The following SPIRE1 variants were observed in gnomAD, a reference collection of about 807,000 sequenced individuals.
The protein encoded by SPIRE1 is protein spire homolog 1.
In SPIRE1, 40 loss-of-function variants were observed where a neutral mutation model predicts 94.1. The observed-to-expected ratio is 0.43, with a 90% CI of 0.33 to 0.55. The LOEUF (loss-of-function observed/expected upper bound fraction) is 0.55. Among genes scored for constraint, SPIRE1 ranks in the 20% least tolerant of loss-of-function variants. SPIRE1 has a pLI of 0.06. For synonymous variants in SPIRE1, 376 were observed against 371.7 expected (o/e 1.01, Z -0.13); for missense variants, 838 against 975.2 (o/e 0.86, Z 1.87).
In SPIRE1 at chr18:12,657,593, T is replaced by G. The variant is rs2038587820; in HGVS notation, c.274A>C (p.Arg92=). The change falls in exon 1 of 17, where the codon AGG becomes CGG. Residue 92 remains arginine (R), a synonymous_variant. Coordinates refer to ENST00000409402, the MANE Select transcript of SPIRE1 (RefSeq NM_001128626.2). ...VRSAAQIRVW[R]DGAVTLAPAA... ...GGCGCCAGGGTGACGGCGCCGTCCC[T>G]CCAGACGCGGATCTGCGCGGCCGAG... The G allele has an allele frequency of 5.6e-6, 7 of 1,259,208 alleles. No homozygotes were observed. The highest frequency in any genetic ancestry group is 4.2e-5 in the Admixed American group (1 of 24,030). The allele number at this position is 1,259,208 out of a possible 1,614,324, so 78.0% of individuals were successfully genotyped here.
intron 2 of SPIRE1, among the ~76,000 whole-genome samples, chr18:12,548,655 G>A (rs1409937233): frequency 2.0e-5 from 3 of 147,748 alleles, no homozygotes; most frequent in Admixed American, 1.4e-4. Flanking sequence ...TCTGTCACCC[G>A]GGCTGGAGTG....
chr18:12,518,835 G>A (rs538930361), intron 4 of SPIRE1, among the ~76,000 whole-genome samples: 3 of 152,090 alleles, frequency 2.0e-5, no homozygotes, highest in African/African-American at 4.8e-5. Flanking sequence ...CACAGATTAT[G>A]AGCTATGACT....
At chr18:12,651,008 G>C (rs919375409) in intron 1 of SPIRE1, among the ~76,000 whole-genome samples, 4 of 152,128 alleles carry the variant, frequency 2.6e-5, no homozygotes, top group South Asian at 4.1e-4. Flanking sequence ...TAAATGAAGG[G>C]ACTTGAAGTT....
chr18:12,635,770 T>A (rs1704937915), intron 1 of SPIRE1, among the ~76,000 whole-genome samples: 1 of 152,198 alleles, frequency 6.6e-6, no homozygotes. Context: ...AAAACATACT[T>A]CTTAAACAAA....
At chr18:12,583,730 G>C (rs914838315) in intron 2 of SPIRE1, among the ~76,000 whole-genome samples, 2 of 152,076 alleles carry the variant, frequency 1.3e-5, no homozygotes, top group Non-Finnish European at 2.9e-5. Flanking sequence ...TTCAAGATCA[G>C]CCTGAGCAAA....
chr18:12,461,159 T>C (rs954868554), intron 12 of SPIRE1, among the ~76,000 whole-genome samples: 1 of 152,172 alleles, frequency 6.6e-6, no homozygotes, highest in Admixed American at 6.5e-5. Context: ...TCATGGGCCC[T>C]TGGGGTCAGC....
chr18:12,640,558 A>C (rs528417652), intron 1 of SPIRE1, among the ~76,000 whole-genome samples: 65 of 152,336 alleles, frequency 4.3e-4, no homozygotes, highest in Admixed American at 1.6e-3. Flanking sequence ...ACACAGCCCC[A>C]AAAAAGTAAT....
rs780256116 is a variant in SPIRE1 at position 12,449,822 on chromosome 18, C to T, written c.2087G>A (p.Trp696Ter). ...GTCCACACACACCTCCATGGTGCTCCAGTCCTCCATCAACTCTTTGGGAAA... is the reference window on the plus strand; with the variant it reads ...GTCCACACACACCTCCATGGTGCTCTAGTCCTCCATCAACTCTTTGGGAAA... ...LQFPKELMEDWSTMEVCVDCK... is the reference protein window; with the variant it reads ...LQFPKELMED The change falls in exon 17 of 17, where the codon TGG (tryptophan) becomes TAG (stop). Residue 696 changes from tryptophan to a stop codon, truncating the protein, a stop_gained. Coordinates refer to ENST00000409402, the MANE Select transcript of SPIRE1 (RefSeq NM_001128626.2). LOFTEE classifies it high-confidence loss of function. The T allele has an allele frequency of 5.0e-6, 8 of 1,614,166 alleles. No homozygotes were observed. The highest frequency in any genetic ancestry group is 6.8e-6 in the Non-Finnish European group (8 of 1,180,026).
chr18:12,600,932 G>C (rs1244007949), intron 2 of SPIRE1, among the ~76,000 whole-genome samples: 1 of 152,024 alleles, frequency 6.6e-6, no homozygotes, highest in Non-Finnish European at 1.5e-5. Context: ...ATATTGCCCA[G>C]GCTGGTCTCA....
intron 10 of SPIRE1, among the ~76,000 whole-genome samples, chr18:12,465,533 T>A (rs141766797): frequency 2.0e-5 from 3 of 152,220 alleles, no homozygotes; most frequent in Non-Finnish European, 4.4e-5. Context: ...ATTGGAAAGA[T>A]GAAATGAGGT....
intron 1 of SPIRE1, among the ~76,000 whole-genome samples, chr18:12,655,585 A>G (rs1232199792): frequency 6.6e-6 from 1 of 152,180 alleles, no homozygotes; most frequent in Non-Finnish European, 1.5e-5. Context: ...TGTGGAGAAC[A>G]ACTCCACTCA....
rs115684085 is a variant in SPIRE1, at chr18:12,597,373, G to A, written c.372+37689C>T. 9.4e-3 allele frequency among the ~76,000 whole-genome samples: 1,438 copies of A among 152,266 alleles called. 31 individuals are homozygous for A. Among genetic ancestry groups the A allele is most frequent in the African/African-American group, 0.032 (1,326 of 41,554 alleles). On this transcript the variant is annotated intron_variant, in intron 2 of 16. Coordinates refer to ENST00000409402, the MANE Select transcript of SPIRE1 (RefSeq NM_001128626.2). ...GGCTCCAGAGCACACACACAGGGAA[G>A]GAAAGCCTGGTGGGAGAGGGGCGTT... is the stretch of plus-strand genomic sequence containing the variant.
rs191298041 is a variant in SPIRE1, at chr18:12,504,368, G to C, written c.972+2109C>G. Among the ~76,000 whole-genome samples the C allele has an allele frequency of 1.3e-4, 15 of 119,126 alleles. 1 individual carries two copies. The highest frequency in any genetic ancestry group is 1.1e-3 in the Admixed American group (15 of 13,166). 78.2% of individuals were successfully genotyped at this position (119,126 alleles called of 152,430 possible). On this transcript the variant is annotated intron_variant, in intron 6 of 16. Transcript: ENST00000409402. ...CTAAAAATACAAAAATTAGCCAGGCGTGGTGGCATGCGCCTGTAATCCTAG... is the reference window on the plus strand; with the variant it reads ...CTAAAAATACAAAAATTAGCCAGGCCTGGTGGCATGCGCCTGTAATCCTAG...
upstream of SPIRE1, chr18:12,661,976 G>T: frequency 3.9e-6 from 1 of 254,472 alleles, no homozygotes; most frequent in Non-Finnish European, 8.0e-6. Flanking sequence ...TGTTGATTTT[G>T]TTACTTTATT....
intron 2 of SPIRE1, among the ~76,000 whole-genome samples, chr18:12,592,744 C>T (rs1334114302): frequency 1.3e-5 from 2 of 152,234 alleles, no homozygotes; most frequent in Non-Finnish European, 2.9e-5. Flanking sequence ...TCTGAAAAAG[C>T]TCCTTAGGTG....
At chr18:12,552,597 T>TA (rs1439599737) in intron 2 of SPIRE1, among the ~76,000 whole-genome samples, 3 of 152,048 alleles carry the variant, frequency 2.0e-5, no homozygotes, top group Non-Finnish European at 4.4e-5. Flanking sequence ...GCCTGGTAGT[T>TA]AAAGATCAAC....
At chr18:12,461,505 T>C (rs569177219) in intron 12 of SPIRE1, among the ~76,000 whole-genome samples, 43 of 145,310 alleles carry the variant, frequency 3.0e-4, no homozygotes, top group Middle Eastern at 3.9e-3. Flanking sequence ...CACGTACATA[T>C]GTACGTACAT....
At chr18:12,536,396 G>C (rs188936522) in intron 3 of SPIRE1, among the ~76,000 whole-genome samples, 4 of 152,198 alleles carry the variant, frequency 2.6e-5, no homozygotes, top group Non-Finnish European at 5.9e-5. Context: ...CACATGACTT[G>C]TCTGTCCATA....
At chr18:12,450,909 A>G (rs1202217471) in intron 16 of SPIRE1, 1 of 701,218 alleles carries the variant, frequency 1.4e-6, no homozygotes, top group Admixed American at 2.0e-5. Flanking sequence ...TATGAGAAGG[A>G]TGTTTCTGAC....
Sources: gnomAD v4.1 joint callset for allele counts (sites outside exome capture counted in the v4.1 genomes callset) on GRCh38, gnomAD v4.1.1 for gene constraint, MANE v1.5 for transcripts, NCBI Gene and HGNC (gene_info 2026-07-23, HGNC 2026-07-21) for gene names.